TINAG: variants seen among roughly 807,000 people sequenced by gnomAD.
TINAG encodes the protein tubulointerstitial nephritis antigen.
A neutral mutation model predicts 72.7 loss-of-function variants in TINAG; 83 were observed. That is an observed-to-expected ratio of 1.14 (90% confidence interval 0.96 to 1.37). The LOEUF is 1.37. Ranked by LOEUF, TINAG falls within the 40% of genes most tolerant of loss-of-function variation. The probability of loss-of-function intolerance (pLI) is 0.00; values close to 1 mark genes in which losing one functional copy is unlikely to be tolerated. For synonymous variants in TINAG, 234 were observed against 189.9 expected (o/e 1.23, Z -1.91); for missense variants, 685 against 576.6 (o/e 1.19, Z -1.93).
intron 9 of TINAG, among the ~76,000 whole-genome samples, chr6:54,367,745 T>G (rs1389524773): frequency 6.6e-6 from 1 of 151,860 alleles, no homozygotes; most frequent in Non-Finnish European, 1.5e-5. Flanking sequence ...GAAAGCTGTC[T>G]TAGTTCCTTC....
intron 8 of TINAG, among the ~76,000 whole-genome samples, chr6:54,354,208 A>G (rs974151778): frequency 1.3e-5 from 2 of 151,912 alleles, no homozygotes; most frequent in African/African-American, 4.8e-5. Flanking sequence ...CTGACCAAGT[A>G]TAGTATGCTT....
At chr6:54,344,184 G>A (rs527328367) in intron 5 of TINAG, among the ~76,000 whole-genome samples, 4 of 152,210 alleles carry the variant, frequency 2.6e-5, no homozygotes, top group Non-Finnish European at 5.9e-5. Context: ...TTGTGAACAA[G>A]TACATAGGCT....
rs759598444 is a variant in TINAG, at chr6:54,390,040, A to G, written c.*115A>G. The stretch of plus-strand genomic sequence containing the variant: ...TTTGTCTCTTCACCGTGTTAACATA[A>G]TCTATCTATTTTCTTATTTTCCCCT... On this transcript the variant is annotated 3_prime_UTR_variant, in exon 11 of 11. Transcript: ENST00000259782. The G allele has an allele frequency of 2.3e-5, 32 of 1,397,936 alleles. No homozygotes were observed. Among genetic ancestry groups the G allele is most frequent in the Non-Finnish European group, 2.9e-5 (30 of 1,028,714 alleles). 86.6% of individuals were successfully genotyped at this position (1,397,936 alleles called of 1,614,324 possible). A position where few individuals can be genotyped will look rare whatever the true frequency, so the allele number is the denominator to read the frequency against.
At chr6:54,328,523 CA>C (rs574425787) in intron 4 of TINAG, among the ~76,000 whole-genome samples, 1 of 151,966 alleles carries the variant, frequency 6.6e-6, no homozygotes, top group South Asian at 2.1e-4. Context: ...AAAATCAGCA[CA>C]AAAAAAGCTG....
At chr6:54,385,699 T>C (rs1037929274) in intron 10 of TINAG, among the ~76,000 whole-genome samples, 1 of 151,358 alleles carries the variant, frequency 6.6e-6, no homozygotes, top group Non-Finnish European at 1.5e-5. Context: ...AAAGAAAAAA[T>C]ATAGGCCGAT....
chr6:54,362,621 T>C (rs1273425451), intron 9 of TINAG, among the ~76,000 whole-genome samples: 1 of 151,556 alleles, frequency 6.6e-6, no homozygotes, highest in Non-Finnish European at 1.5e-5. Context: ...GAACAAGAGG[T>C]AATTTCTACT....
At chr6:54,329,185 G>A (rs550255292) in intron 4 of TINAG, among the ~76,000 whole-genome samples, 1 of 151,940 alleles carries the variant, frequency 6.6e-6, no homozygotes, top group Non-Finnish European at 1.5e-5. Flanking sequence ...GATTCACCAC[G>A]GTTAAAATGA....
rs749429703 is a variant in TINAG, at chr6:54,313,542, ACT to A, written c.355+4639_355+4640del. Among the ~76,000 whole-genome samples, 3,662 of 152,202 alleles carry A rather than the reference ACT, an allele frequency of 0.024. 262 individuals are homozygous for A. In the East Asian group the frequency reaches 0.29, roughly 12 times the overall value. ...TGTTCTAAGCACTTTTCAGGTATTA[ACT>A]CATTCATTATTTAATTCTATGTTGT... On this transcript the variant is annotated intron_variant, in intron 1 of 10. Transcript: ENST00000259782.
intron 6 of TINAG, among the ~76,000 whole-genome samples, chr6:54,348,674 T>C (rs1334725683): frequency 6.6e-6 from 1 of 152,062 alleles, no homozygotes; most frequent in East Asian, 1.9e-4. Flanking sequence ...ATGACATCCT[T>C]TAAAGTTAAT....
At chr6:54,355,714 CGTGT>C (rs5876379) in intron 9 of TINAG, among the ~76,000 whole-genome samples, 1,601 of 145,172 alleles carry the variant, frequency 0.011, 27 homozygotes, top group African/African-American at 0.029. Flanking sequence ...AAAAATGTAA[CGTGT>C]GTGTGTGTGT....
intron 1 of TINAG, among the ~76,000 whole-genome samples, chr6:54,320,342 C>T (rs1473165118): frequency 2.0e-5 from 3 of 151,920 alleles, no homozygotes; most frequent in South Asian, 2.1e-4. Context: ...TCATGTTTTG[C>T]AAATCCTCCC....
chr6:54,380,719 T>G, intron 10 of TINAG, 148 bp downstream of exon 10: 1 of 490,572 alleles, frequency 2.0e-6, no homozygotes, highest in East Asian at 3.4e-5. Flanking sequence ...GCACAAAACT[T>G]ATTATAAACA....
rs1280517692 is a variant in TINAG, at chr6:54,369,076, C to T, written c.1251-11450C>T. ...AATCGAACATTCCTGGTTTTTATGACTTGCAAAGTAGCCCTAGAATTCAAG... is the reference window on the plus strand; with the variant it reads ...AATCGAACATTCCTGGTTTTTATGATTTGCAAAGTAGCCCTAGAATTCAAG... On this transcript the variant is annotated intron_variant, in intron 9 of 10. Coordinates refer to ENST00000259782, the MANE Select transcript of TINAG (RefSeq NM_014464.4). Among the ~76,000 whole-genome samples the T allele has an allele frequency of 2.6e-5, 4 of 151,882 alleles. No individual in the cohort carries two copies. In the South Asian group the frequency reaches 6.2e-4, roughly 24 times the overall value.
chr6:54,331,086 A>T (rs1443172774), intron 4 of TINAG, among the ~76,000 whole-genome samples: 2 of 152,022 alleles, frequency 1.3e-5, no homozygotes, highest in South Asian at 2.1e-4. Flanking sequence ...AAAAAGAGTG[A>T]CTCCTCCCTA....
chr6:54,309,243 G>T lies in TINAG; in HGVS notation c.355+338G>T, dbSNP rs191621583. On this transcript the variant is annotated intron_variant, in intron 1 of 10. Coordinates refer to ENST00000259782, the MANE Select transcript of TINAG (RefSeq NM_014464.4). ...TCTCTCTTCTTTTTATTGACATCAG[G>T]TTTCTCAAGCCTTTTTGTGTGCAGC... Among the ~76,000 whole-genome samples, 219 of 152,096 alleles carry T rather than the reference G, an allele frequency of 1.4e-3. 1 individual carries two copies. Among genetic ancestry groups the T allele is most frequent in the African/African-American group, 4.9e-3 (205 of 41,478 alleles).
intron 4 of TINAG, among the ~76,000 whole-genome samples, chr6:54,341,179 A>G (rs1784987794): frequency 6.6e-6 from 1 of 152,178 alleles, no homozygotes; most frequent in African/African-American, 2.4e-5. Flanking sequence ...GCGACTTAGT[A>G]TTATAAATGC....
chr6:54,361,922 T>C (rs900672347), intron 9 of TINAG, among the ~76,000 whole-genome samples: 1 of 151,612 alleles, frequency 6.6e-6, no homozygotes, highest in Admixed American at 6.6e-5. Flanking sequence ...AAAGCCTAAT[T>C]CACAGCAAGG....
chr6:54,327,456 G>A (rs774814727), intron 4 of TINAG, among the ~76,000 whole-genome samples: 6 of 152,112 alleles, frequency 3.9e-5, no homozygotes, highest in Non-Finnish European at 8.8e-5. Context: ...TTCGCAATCC[G>A]CAAACCAGGA....
intron 9 of TINAG, among the ~76,000 whole-genome samples, chr6:54,378,068 C>T (rs992939255): frequency 6.6e-6 from 1 of 152,080 alleles, no homozygotes; most frequent in Admixed American, 6.6e-5. Flanking sequence ...CTGAAGGTTG[C>T]AGTGCAAATG....
Sources: allele counts gnomAD v4.1 joint callset (sites outside exome capture counted in the v4.1 genomes callset), GRCh38; gene constraint gnomAD v4.1.1; transcripts MANE v1.5; gene names NCBI Gene and HGNC (gene_info 2026-07-23, HGNC 2026-07-21).